CRYL1: variants seen among roughly 807,000 people sequenced by gnomAD.
CRYL1 encodes the protein lambda-crystallin homolog.
CRYL1 carries 29 observed loss-of-function variants against 36.6 expected under a neutral mutation model. The observed-to-expected ratio is 0.79, with a 90% CI of 0.59 to 1.08. The LOEUF is 1.08. Ranked by LOEUF, CRYL1 falls within the 50% of genes least tolerant of loss-of-function variation. CRYL1 has a pLI of 0.00. For missense variants in CRYL1, 411 were observed against 407.9 expected (o/e 1.01, Z -0.06); for synonymous variants, 152 against 151.5 (o/e 1.00, Z -0.02).
intron 5 of CRYL1, among the ~76,000 whole-genome samples, chr13:20,423,010 T>G (rs1288733840): frequency 1.3e-5 from 2 of 152,234 alleles, no homozygotes; most frequent in African/African-American, 4.8e-5. Flanking sequence ...ACTTTCTTGA[T>G]TAAATGTATT....
At chr13:20,416,104 C>T (rs2031656654) in intron 5 of CRYL1, among the ~76,000 whole-genome samples, 1 of 151,928 alleles carries the variant, frequency 6.6e-6, no homozygotes, top group African/African-American at 2.4e-5. Context: ...GAGGTCCCGT[C>T]GCGCCTCAGC....
At chr13:20,512,797 G>A (rs1049132982) in intron 1 of CRYL1, among the ~76,000 whole-genome samples, 3 of 152,168 alleles carry the variant, frequency 2.0e-5, no homozygotes, top group Admixed American at 1.3e-4. Flanking sequence ...GAGGCTGGAC[G>A]GGGGTGGGAG....
At chr13:20,470,601 G>A (rs1309357793) in intron 3 of CRYL1, among the ~76,000 whole-genome samples, 8 of 152,224 alleles carry the variant, frequency 5.3e-5, no homozygotes, top group Non-Finnish European at 1.2e-4. Flanking sequence ...AGAGTCTCAA[G>A]ACAAAAGCTA....
intron 5 of CRYL1, among the ~76,000 whole-genome samples, chr13:20,423,243 T>G (rs887425499): frequency 6.6e-6 from 1 of 152,232 alleles, no homozygotes; most frequent in African/African-American, 2.4e-5. Context: ...CATTTCCAAT[T>G]TGAATACCTT....
chr13:20,478,719 T>C (rs12875121), intron 3 of CRYL1, among the ~76,000 whole-genome samples: 100,278 of 151,856 alleles, frequency 0.66, 33,846 homozygotes, highest in East Asian at 0.81. Context: ...TCAAGCAATC[T>C]ACCCGCTGTG....
intron 4 of CRYL1, among the ~76,000 whole-genome samples, chr13:20,434,300 T>C (rs2032151920): frequency 6.6e-6 from 1 of 152,166 alleles, no homozygotes; most frequent in African/African-American, 2.4e-5. Context: ...ATCAGGAACT[T>C]TCCTGTCTTA....
chr13:20,422,741 A>G lies in CRYL1; in HGVS notation c.634-9354T>C, dbSNP rs145214957. Among the ~76,000 whole-genome samples the G allele has an allele frequency of 4.8e-3, 724 of 152,306 alleles. 3 individuals carry two copies. The highest frequency in any genetic ancestry group is 0.015 in the African/African-American group (643 of 41,576). On this transcript the variant is annotated intron_variant, in intron 5 of 7. Transcript: ENST00000298248. ...TCCTTTTGGAAGAGCCCCACATTCC[A>G]ACAGTTTGTCATGTGCATCCTAACC...
chr13:20,517,880 G>A (rs1222601916), intron 1 of CRYL1, among the ~76,000 whole-genome samples: 1 of 144,954 alleles, frequency 6.9e-6, no homozygotes, highest in East Asian at 2.1e-4. Context: ...AGCTTGCAGT[G>A]AGCCGAGATC....
In CRYL1 at chr13:20,432,278, T is replaced by G. The variant is rs775285848; in HGVS notation, c.457A>C (p.Ile153Leu). The G allele has an allele frequency of 1.2e-6, 2 of 1,612,332 alleles. No homozygotes were observed. Among genetic ancestry groups the G allele is most frequent in the Admixed American group, 3.3e-5 (2 of 59,876 alleles). Reference sequence around the variant, plus strand: ...TGGGGGACCAGCTCAACCAGCGGGATGTAGTATGGCGGATTCACCTTAGGA... The same window carrying G: ...TGGGGGACCAGCTCAACCAGCGGGAGGTAGTATGGCGGATTCACCTTAGGA... ...VAHPVNPPYY[I>L]PLVELVPHPE... The change falls in exon 5 of 8, where the codon ATC (isoleucine) becomes CTC (leucine). Residue 153 changes from isoleucine (I) to leucine (L), a missense_variant. Physicochemically the swap from Ile to Leu is conservative, Grantham distance 5. Transcript: ENST00000298248.
intron 3 of CRYL1, among the ~76,000 whole-genome samples, chr13:20,483,636 C>A (rs61326535): frequency 0.13 from 19,698 of 151,942 alleles, 3,000 homozygotes; most frequent in African/African-American, 0.37. Context: ...ACCTCCTGGG[C>A]TCAAGTGATC....
At chr13:20,441,909 A>G (rs2032358456) in intron 3 of CRYL1, among the ~76,000 whole-genome samples, 1 of 152,208 alleles carries the variant, frequency 6.6e-6, no homozygotes. Context: ...AAAAGTTCGC[A>G]TGAGCACCAC....
chr13:20,498,085 C>G (rs903478479), intron 2 of CRYL1, among the ~76,000 whole-genome samples: 1 of 150,330 alleles, frequency 6.7e-6, no homozygotes, highest in African/African-American at 2.5e-5. Context: ...ACACACCACA[C>G]ATACACACAA....
chr13:20,466,300 A>G (rs1445089004), intron 3 of CRYL1, among the ~76,000 whole-genome samples: 18 of 152,232 alleles, frequency 1.2e-4, no homozygotes, highest in Admixed American at 1.2e-3. Flanking sequence ...AATAAAGGAA[A>G]AGATGGGTAA....
intron 6 of CRYL1, among the ~76,000 whole-genome samples, chr13:20,410,781 A>G (rs960072584): frequency 2.0e-5 from 3 of 152,344 alleles, no homozygotes; most frequent in African/African-American, 4.8e-5. Context: ...CTGAGGAAGC[A>G]GTTACTGTTG....
Position 20,404,234 on chromosome 13 carries a change from G to A in CRYL1, c.855C>T (p.Cys285=). The A allele has an allele frequency of 1.2e-6, 2 of 1,606,982 alleles. No homozygotes were observed. The highest frequency in any genetic ancestry group is 1.7e-6 in the Non-Finnish European group (2 of 1,173,820). Reference sequence around the variant, plus strand: ...GCTCCGGGTCATCAGGGACCTTCATGCACATGTCCTGCAAGAAGGAGAAGG... The same window carrying A: ...GCTCCGGGTCATCAGGGACCTTCATACACATGTCCTGCAAGAAGGAGAAGG... ...ATAEKVNQDM[C]MKVPDDPEHL... Residue 285 remains cysteine, a synonymous_variant, in exon 8 of 8, where the codon TGC becomes TGT. Transcript: ENST00000298248.
intron 3 of CRYL1, among the ~76,000 whole-genome samples, chr13:20,451,943 G>A (rs142722819): frequency 5.3e-5 from 8 of 152,102 alleles, no homozygotes; most frequent in Non-Finnish European, 5.9e-5. Context: ...GGAGGACTAC[G>A]CAGCTGTTGA....
chr13:20,404,738 A>T lies in CRYL1; in HGVS notation c.743T>A (p.Met248Lys). 6.3e-7 allele frequency: 1 copy of T among 1,598,258 alleles called. No homozygotes were observed. The highest frequency in any genetic ancestry group is 8.6e-7 in the Non-Finnish European group (1 of 1,166,290). The part of the protein sequence containing the change: ...LETMHLNAEG[M>K]LSYCDRYSEG... ...GCTGTATCTGTCGCAGTAGCTTAACATACCTGGAATTGTATGAAGACAAGA... is the reference window on the plus strand; with the variant it reads ...GCTGTATCTGTCGCAGTAGCTTAACTTACCTGGAATTGTATGAAGACAAGA... Residue 248 changes from methionine to lysine, a missense_variant, in exon 7 of 8, where the codon ATG (methionine) becomes AAG (lysine). By Grantham distance (95) the Met-to-Lys change is moderately conservative. Coordinates refer to ENST00000298248, the MANE Select transcript of CRYL1 (RefSeq NM_015974.3).
intron 3 of CRYL1, 68 bp downstream of exon 3, chr13:20,489,302 T>C (rs2033461074): frequency 6.3e-7 from 1 of 1,595,198 alleles, no homozygotes; most frequent in African/African-American, 1.3e-5. Flanking sequence ...TCCTGCCCTG[T>C]TCCTCCGGAG....
rs550505810 is a variant in CRYL1 at position 20,431,856 on chromosome 13, C to T, written c.633+246G>A. The T allele has an allele frequency of 5.7e-5, 83 of 1,444,662 alleles. No homozygotes were observed. In the East Asian group the frequency reaches 1.4e-3, roughly 24 times the overall value. The allele number at this position is 1,444,662 out of a possible 1,614,324, so 89.5% of individuals were successfully genotyped here. A position where few individuals can be genotyped will look rare whatever the true frequency, so the allele number is the denominator to read the frequency against. ...GGCAGGAAGGAGAGAAGCCTGTCAT[C>T]GTGTCCTGGTATCAGGTGACTGTAA... On this transcript the variant is annotated intron_variant, in intron 5 of 7. Coordinates refer to ENST00000298248, the MANE Select transcript of CRYL1 (RefSeq NM_015974.3).
Sources: allele counts gnomAD v4.1 joint callset (sites outside exome capture counted in the v4.1 genomes callset), GRCh38; gene constraint gnomAD v4.1.1; transcripts MANE v1.5; gene names NCBI Gene and HGNC (gene_info 2026-07-23, HGNC 2026-07-21).